The following MN1 variants were observed in gnomAD, a reference collection of about 807,000 sequenced individuals.
MN1 encodes the protein transcriptional activator MN1.
MN1 carries 19 observed loss-of-function variants against 86.9 expected under a neutral mutation model. The observed-to-expected ratio is 0.22, with a 90% confidence interval of 0.15 to 0.32. MN1 has a LOEUF of 0.32. MN1 is among the 10% of genes least tolerant of loss of function. The probability of loss-of-function intolerance (pLI) is 1.00; values close to 1 mark genes in which losing one functional copy is unlikely to be tolerated. For missense variants in MN1, 1,841 were observed against 1,862.0 expected (o/e 0.99, Z 0.21); for synonymous variants, 928 against 849.6 (o/e 1.09, Z -1.60).
chr22:27,772,941 C>G (rs1345828967), intron 1 of MN1, among the ~76,000 whole-genome samples: 2 of 151,454 alleles, frequency 1.3e-5, no homozygotes, highest in African/African-American at 2.4e-5. Flanking sequence ...TGCACTAGGC[C>G]CAGTTTGAGG....
intron 1 of MN1, among the ~76,000 whole-genome samples, chr22:27,783,645 G>A (rs1439503177): frequency 6.6e-6 from 1 of 152,158 alleles, no homozygotes; most frequent in Non-Finnish European, 1.5e-5. Flanking sequence ...GCCCTCTCTG[G>A]GCTTTCGTTA....
chr22:27,752,912 GC>G (rs1932778638), intron 1 of MN1, among the ~76,000 whole-genome samples: 1 of 152,176 alleles, frequency 6.6e-6, no homozygotes, highest in Non-Finnish European at 1.5e-5. Flanking sequence ...AGGGCCCTGT[GC>G]CAGGCAGGAG....
In MN1 at chr22:27,750,933, G is replaced by A. The variant is rs371255254; in HGVS notation, c.3945C>T (p.Phe1315=). ...HSDISNRFGT[F]VAALT is the part of the protein sequence containing the mutation. ...TTGTCATTCAAGTTAGGGCAGCCACGAATGTCCCAAATCTGTTGGAGATGT... is the reference window on the plus strand; with the variant it reads ...TTGTCATTCAAGTTAGGGCAGCCACAAATGTCCCAAATCTGTTGGAGATGT... Residue 1315 remains phenylalanine, a synonymous_variant, in exon 2 of 2, where the codon TTC becomes TTT. Transcript: ENST00000302326. 32 of 1,601,366 alleles carry A rather than the reference G, an allele frequency of 2.0e-5. No homozygotes were observed. The highest frequency in any genetic ancestry group is 2.5e-5 in the Non-Finnish European group (29 of 1,172,550).
chr22:27,775,966 C>T (rs1325514331), intron 1 of MN1, among the ~76,000 whole-genome samples: 1 of 152,208 alleles, frequency 6.6e-6, no homozygotes, highest in African/African-American at 2.4e-5. Flanking sequence ...ATCTAACCAT[C>T]CACACAGACA....
At chr22:27,759,347 A>C (rs1352015237) in intron 1 of MN1, among the ~76,000 whole-genome samples, 1 of 132,832 alleles carries the variant, frequency 7.5e-6, no homozygotes, top group Non-Finnish European at 1.7e-5. Flanking sequence ...GGAAACTCAA[A>C]GACTCTGGGC....
intron 1 of MN1, among the ~76,000 whole-genome samples, chr22:27,761,506 C>T (rs993784107): frequency 1.8e-4 from 28 of 151,964 alleles, no homozygotes; most frequent in African/African-American, 6.5e-4. Context: ...AGGACAAAAC[C>T]GGACAGCCCC....
Position 27,797,133 on chromosome 22 carries a change from G to C in MN1, c.3411C>G (p.Thr1137=), listed in dbSNP as rs1326452356. The C allele has an allele frequency of 6.3e-7, 1 of 1,578,922 alleles. No homozygotes were observed. The highest frequency in any genetic ancestry group is 8.6e-7 in the Non-Finnish European group (1 of 1,164,550). The change falls in exon 1 of 2, where the codon ACC becomes ACG. Residue 1137 remains threonine (T), a synonymous_variant. Transcript: ENST00000302326. ...GCGGGGCGCCGCTGCTGCTCGTCGGGGTGCGGACCTGCTCCAGGCCCGGAG... is the reference window on the plus strand; with the variant it reads ...GCGGGGCGCCGCTGCTGCTCGTCGGCGTGCGGACCTGCTCCAGGCCCGGAG... ...PGTPGLEQVR[T]PTSSSGAPPP... is the part of the protein sequence containing the mutation.
intron 1 of MN1, among the ~76,000 whole-genome samples, chr22:27,783,594 T>C (rs148675915): frequency 1.7e-3 from 266 of 152,312 alleles, no homozygotes; most frequent in Non-Finnish European, 2.6e-3. Flanking sequence ...AGTCCTGTCC[T>C]GGCTCTGCGC....
intron 1 of MN1, among the ~76,000 whole-genome samples, chr22:27,777,208 T>C (rs16985557): frequency 0.022 from 3,395 of 152,274 alleles, 62 homozygotes; most frequent in African/African-American, 0.054. Flanking sequence ...TTGCTCACCA[T>C]AGCGTGGATT....
chr22:27,783,062 C>T (rs1568978035), intron 1 of MN1, among the ~76,000 whole-genome samples: 1 of 152,084 alleles, frequency 6.6e-6, no homozygotes, highest in African/African-American at 2.4e-5. Flanking sequence ...TGCACGATGT[C>T]CACCTCCACA....
At chr22:27,764,984 T>G (rs4822936) in intron 1 of MN1, among the ~76,000 whole-genome samples, 107,024 of 152,110 alleles carry the variant, frequency 0.7, 38,338 homozygotes, top group East Asian at 0.85. Context: ...TTTCCTAGAG[T>G]TGCATCAGAT....
chr22:27,798,314 G>T lies in MN1; in HGVS notation c.2230C>A (p.Pro744Thr). ...CCGGCTGCACCAAACGGAAAGCCCG[G>T]CTGGCCCCCGAGCGCAGACGTAGCA... is the stretch of plus-strand genomic sequence containing the variant. Reference protein sequence around the residue: ...DFATSALGGQPGFPFGAAGRQ... With the variant: ...DFATSALGGQTGFPFGAAGRQ... The change falls in exon 1 of 2, where the codon CCG becomes ACG. Residue 744 changes from proline to threonine, a missense_variant. Pro to Thr is a conservative substitution (Grantham distance 38). Coordinates refer to ENST00000302326, the MANE Select transcript of MN1 (RefSeq NM_002430.3). 6.6e-7 allele frequency: 1 copy of T among 1,521,012 alleles called. No homozygotes were observed. Among genetic ancestry groups the T allele is most frequent in the South Asian group, 1.2e-5 (1 of 82,704 alleles). 94.2% of individuals were successfully genotyped at this position (1,521,012 alleles called of 1,614,324 possible).
intron 1 of MN1, among the ~76,000 whole-genome samples, chr22:27,784,577 G>T (rs944546454): frequency 6.6e-6 from 1 of 152,136 alleles, no homozygotes; most frequent in Non-Finnish European, 1.5e-5. Context: ...ATTTCATTAG[G>T]GGGAAAATAT....
chr22:27,775,948 G>GAA (rs112933854), intron 1 of MN1, among the ~76,000 whole-genome samples: 1 of 151,874 alleles, frequency 6.6e-6, no homozygotes, highest in Non-Finnish European at 1.5e-5. Context: ...AAAAGGGAAG[G>GAA]AAAAAAAATC....
At chr22:27,781,571 G>A (rs934320470) in intron 1 of MN1, among the ~76,000 whole-genome samples, 2 of 152,168 alleles carry the variant, frequency 1.3e-5, no homozygotes, top group East Asian at 1.9e-4. Context: ...AACTGGACAT[G>A]TCCAAGAGTC....
At chr22:27,778,541 C>T (rs1933009407) in intron 1 of MN1, among the ~76,000 whole-genome samples, 1 of 152,216 alleles carries the variant, frequency 6.6e-6, no homozygotes. Flanking sequence ...GGCTTAGTGA[C>T]GTCTGCAATG....
At chr22:27,778,846 G>A (rs1370499329) in intron 1 of MN1, among the ~76,000 whole-genome samples, 2 of 152,252 alleles carry the variant, frequency 1.3e-5, no homozygotes, top group Non-Finnish European at 2.9e-5. Context: ...GGGTAGGACA[G>A]TGGCTGAAGC....
intron 1 of MN1, among the ~76,000 whole-genome samples, chr22:27,752,685 AT>A: frequency 6.6e-6 from 1 of 152,208 alleles, no homozygotes; most frequent in East Asian, 1.9e-4. Context: ...CATTATTCTC[AT>A]TTCCTAGACT....
intron 1 of MN1, among the ~76,000 whole-genome samples, chr22:27,794,723 A>G (rs986695598): frequency 2.0e-5 from 3 of 152,118 alleles, no homozygotes; most frequent in Non-Finnish European, 4.4e-5. Context: ...AAATGACCCT[A>G]TACCTGTCCA....
Sources: gnomAD v4.1 joint callset for allele counts (sites outside exome capture counted in the v4.1 genomes callset) on GRCh38, gnomAD v4.1.1 for gene constraint, MANE v1.5 for transcripts, NCBI Gene and HGNC (gene_info 2026-07-23, HGNC 2026-07-21) for gene names.